ATM: variants seen among roughly 807,000 people sequenced by gnomAD.
ATM encodes the protein ATM serine/threonine kinase.
ATM carries 308 observed loss-of-function variants against 387.0 expected under a neutral mutation model. That is an observed-to-expected ratio of 0.80 (90% confidence interval 0.73 to 0.87). The LOEUF (loss-of-function observed/expected upper bound fraction) is 0.87. Among genes scored for constraint, ATM ranks in the 40% least tolerant of loss-of-function variants. The pLI is 0.00. For missense variants in ATM, 3,312 were observed against 3,560.9 expected (o/e 0.93, Z 1.78); for synonymous variants, 1,156 against 1,187.3 (o/e 0.97, Z 0.54).
At position 108,293,496 on chromosome 11, in the gene ATM, TCTA is replaced by T. The variant is rs770860526; in HGVS notation, c.4776+23_4776+25del. ...CTTGGAGGTAATAAAAATTTCATCA[TCTA>T]CTATTTTTTATTAGAGAACATAGTA... On this transcript the variant is annotated intron_variant, in intron 31 of 62. Transcript: ENST00000675843. 22 of 1,585,856 alleles carry T rather than the reference TCTA, an allele frequency of 1.4e-5. No individual in the cohort carries two copies. The East Asian group carries it at 1.6e-4, about 11-fold the overall frequency.
chr11:108,309,679 G>C (rs2083979642), intron 38 of ATM, among the ~76,000 whole-genome samples: 1 of 152,170 alleles, frequency 6.6e-6, no homozygotes, highest in East Asian at 1.9e-4. Context: ...TTTTTATTAA[G>C]TAACTCAACC....
intron 18 of ATM, 108 bp downstream of exon 18, chr11:108,268,717 GC>G: frequency 7.9e-7 from 1 of 1,267,312 alleles, no homozygotes; most frequent in Non-Finnish European, 1.1e-6. Context: ...AATTGAAATT[GC>G]TTTCTTGAGA....
At chr11:108,360,161 C>G (rs1314624633) in intron 61 of ATM, among the ~76,000 whole-genome samples, 7 of 150,366 alleles carry the variant, frequency 4.7e-5, no homozygotes, top group Admixed American at 2.6e-4. Context: ...GAGAATACTA[C>G]AAACACCTCT....
intron 4 of ATM, chr11:108,230,941 A>C (rs1591458049): frequency 6.6e-6 from 1 of 152,172 alleles, no homozygotes; most frequent in Non-Finnish European, 1.5e-5. Flanking sequence ...ACCTCAAGTG[A>C]TTTTCCCGCC....
At position 108,253,024 on chromosome 11, in the gene ATM, C is replaced by CA. The variant is rs2080238650; in HGVS notation, c.1898+119dup. 5 of 962,708 alleles carry CA rather than the reference C, an allele frequency of 5.2e-6. No homozygotes were observed. In the South Asian group the frequency reaches 7.4e-5, roughly 14 times the overall value. The allele number at this position is 962,708 out of a possible 1,614,324, so 59.6% of individuals were successfully genotyped here. On this transcript the variant is annotated intron_variant, in intron 12 of 62. Coordinates refer to ENST00000675843, the MANE Select transcript of ATM (RefSeq NM_000051.4). ...TTAATAATTGTAAACTAAATTGGTC[C>CA]AAAAAAATTGCAACTGTTAGCCAGG...
At position 108,316,117 on chromosome 11, in the gene ATM, C is replaced by T. The variant is rs749370650; in HGVS notation, c.6198+4C>T. On this transcript the variant is annotated splice_donor_region_variant and intron_variant, in intron 42 of 62. Transcript: ENST00000675843. The stretch of plus-strand genomic sequence containing the variant: ...ACGCCAGGCAGGAATCATTCAGGTA[C>T]ATTTTTTCCCAGATTTGGTAAAGCC... 1 of 1,613,046 alleles carries T rather than the reference C, an allele frequency of 6.2e-7. No individual in the cohort carries two copies. The highest frequency in any genetic ancestry group is 1.1e-5 in the South Asian group (1 of 91,036).
At position 108,335,880 on chromosome 11, in the gene ATM, A is replaced by T. The variant is rs587781946; in HGVS notation, c.8187A>T (p.Gln2729His). The T allele has an allele frequency of 1.9e-6, 3 of 1,614,070 alleles. No individual in the cohort carries two copies. Among genetic ancestry groups the T allele is most frequent in the Non-Finnish European group, 2.5e-6 (3 of 1,179,962 alleles). The change falls in exon 56 of 63, where the codon CAA (glutamine) becomes CAT (histidine). Residue 2729 changes from glutamine (Q) to histidine (H), a missense_variant. By Grantham distance (24) the Gln-to-His change is conservative (BLOSUM62 0). Coordinates refer to ENST00000675843, the MANE Select transcript of ATM (RefSeq NM_000051.4). ...RDDLRQDAVM[Q>H]QVFQMCNTLL... ...ACCTGAGACAAGATGCTGTCATGCA[A>T]CAGGTCTTCCAGATGTGTAATACAT...
rs786203764 is a variant in ATM, at chr11:108,331,521, G to A, written c.7593G>A (p.Met2531Ile). 3.7e-6 allele frequency: 6 copies of A among 1,613,124 alleles called. No individual in the cohort carries two copies. The highest frequency in any genetic ancestry group is 5.1e-6 in the Non-Finnish European group (6 of 1,179,680). ...TGGCTGCTAGAATGGGGACCAAGAT[G>A]ATGGGAGGCCTAGGATTTCATGAAG... ...YQLAARMGTKMMGGLGFHEVL... is the reference protein window; with the variant it reads ...YQLAARMGTKIMGGLGFHEVL... Residue 2531 changes from methionine (M) to isoleucine (I), a missense_variant, in exon 51 of 63, where the codon ATG becomes ATA. Physicochemically the swap from Met to Ile is conservative, Grantham distance 10 (BLOSUM62 1). This residue lies in a region of ATM where 1,405 missense variants were observed against 1,604.4 expected (regional missense o/e 0.88). Coordinates refer to ENST00000675843, the MANE Select transcript of ATM (RefSeq NM_000051.4).
At position 108,267,346 on chromosome 11, in the gene ATM, AATAC is replaced by A; in HGVS notation, c.2638+8_2638+11del. The A allele has an allele frequency of 1.2e-6, 2 of 1,613,522 alleles. No individual in the cohort carries two copies. Among genetic ancestry groups the A allele is most frequent in the Non-Finnish European group, 1.7e-6 (2 of 1,179,486 alleles). ...GGAGAGAGCCAAAGTACCATAGGTA[AATAC>A]ATATTTACTACTTGGGATTTCTTTT... On this transcript the variant is annotated splice_donor_5th_base_variant and intron_variant, in intron 17 of 62. Transcript: ENST00000675843.
At chr11:108,258,555 C>A (rs1227823726) in intron 15 of ATM, among the ~76,000 whole-genome samples, 1 of 152,140 alleles carries the variant, frequency 6.6e-6, no homozygotes, top group African/African-American at 2.4e-5. Flanking sequence ...TTTTTATCTG[C>A]AGCAGCCTGT....
intron 45 of ATM, among the ~76,000 whole-genome samples, chr11:108,322,156 T>C (rs1391640850): frequency 1.3e-5 from 2 of 152,166 alleles, no homozygotes; most frequent in Non-Finnish European, 2.9e-5. Context: ...TTCTTTTTTT[T>C]CTTTTTATGT....
intron 5 of ATM, among the ~76,000 whole-genome samples, chr11:108,237,144 T>C (rs941127912): frequency 6.6e-6 from 1 of 152,222 alleles, no homozygotes; most frequent in Non-Finnish European, 1.5e-5. Context: ...ACTGTTCCCC[T>C]GAGAATAAAT....
intron 29 of ATM, chr11:108,290,120 G>A: frequency 3.9e-6 from 1 of 253,548 alleles, no homozygotes; most frequent in South Asian, 6.7e-5. Context: ...CAGCCTCCCA[G>A]TGTGCTGGGA....
At position 108,299,665 on chromosome 11, in the gene ATM, GT is replaced by G. The variant is rs558591872; in HGVS notation, c.5006-48del. 20 of 1,574,814 alleles carry G rather than the reference GT, an allele frequency of 1.3e-5. No homozygotes were observed. The Admixed American group carries it at 3.0e-4, about 24-fold the overall frequency. On this transcript the variant is annotated intron_variant, in intron 33 of 62. Coordinates refer to ENST00000675843, the MANE Select transcript of ATM (RefSeq NM_000051.4). ...TGAAATTAGAAAATTTCAGTTTTAT[GT>G]ATGATCTCTTACCTATGACTCTACT...
In ATM at chr11:108,367,537, T is replaced by A. The variant is rs1591395173; in HGVS notation, c.*2029T>A. On this transcript the variant is annotated 3_prime_UTR_variant, in exon 63 of 63. Transcript: ENST00000675843. ...CTACTGACTCGTGTATTAGTGAGTA[T>A]AATCTCTTCTCCATCCTTAGGAAAA... is the stretch of plus-strand genomic sequence containing the variant. The A allele has an allele frequency of 9.7e-6, 2 of 205,498 alleles. No individual in the cohort carries two copies. The highest frequency in any genetic ancestry group is 1.5e-4 in the East Asian group (2 of 13,428). 12.7% of individuals were successfully genotyped at this position (205,498 alleles called of 1,614,324 possible).
chr11:108,227,220 G>C (rs906985791), intron 1 of ATM: 2 of 174,956 alleles, frequency 1.1e-5, no homozygotes, highest in African/African-American at 2.4e-5. Flanking sequence ...TCACCATGTT[G>C]GTCAGGCTGG....
At chr11:108,245,778 A>G (rs1437365476) in intron 7 of ATM, among the ~76,000 whole-genome samples, 1 of 149,234 alleles carries the variant, frequency 6.7e-6, no homozygotes, top group Admixed American at 6.7e-5. Flanking sequence ...AGCATACCAC[A>G]TTGAGTAATA....
intron 56 of ATM, among the ~76,000 whole-genome samples, chr11:108,342,646 G>T (rs867403708): frequency 6.6e-6 from 1 of 151,874 alleles, no homozygotes; most frequent in African/African-American, 2.4e-5. Flanking sequence ...GGATAAAAGG[G>T]TATCTGTTAA....
rs1565527146 is a variant in ATM, at chr11:108,329,184, A to G, written c.7253A>G (p.Lys2418Arg). The stretch of plus-strand genomic sequence containing the variant: ...TTTGAAAACAAGCAAGCTCTCCTGA[A>G]AAGAGCCAAAGAGGAAGTAGGTCTC... ...SEFENKQALLKRAKEEVGLLR... is the reference protein window; with the variant it reads ...SEFENKQALLRRAKEEVGLLR... The change falls in exon 49 of 63, where the codon AAA becomes AGA. Residue 2418 changes from lysine to arginine, a missense_variant. Physicochemically the swap from Lys to Arg is conservative, Grantham distance 26. Coordinates refer to ENST00000675843, the MANE Select transcript of ATM (RefSeq NM_000051.4). The G allele has an allele frequency of 6.2e-7, 1 of 1,614,066 alleles. No homozygotes were observed. Among genetic ancestry groups the G allele is most frequent in the Non-Finnish European group, 8.5e-7 (1 of 1,179,958 alleles).
Sources: allele counts gnomAD v4.1 joint callset (sites outside exome capture counted in the v4.1 genomes callset), GRCh38; gene constraint gnomAD v4.1.1; regional missense constraint gnomAD v4.1.1; transcripts MANE v1.5; gene names NCBI Gene and HGNC (gene_info 2026-07-23, HGNC 2026-07-21).